The following CFAP47 variants were observed in gnomAD, a reference collection of about 807,000 sequenced individuals.
The protein encoded by CFAP47 is cilia and flagella associated protein 47, also known as cilia- and flagella-associated protein 47.
A neutral mutation model predicts 148.1 loss-of-function variants in CFAP47; 29 were observed. That is an observed-to-expected ratio of 0.20 (90% CI 0.15 to 0.27). The LOEUF (loss-of-function observed/expected upper bound fraction) is 0.27. Among genes scored for constraint, CFAP47 ranks in the 10% least tolerant of loss-of-function variants. The probability of loss-of-function intolerance (pLI) is 1.00; values close to 1 mark genes in which losing one functional copy is unlikely to be tolerated. For missense variants in CFAP47, 1,872 were observed against 1,697.5 expected (o/e 1.10, Z -1.81); for synonymous variants, 664 against 577.3 (o/e 1.15, Z -2.15).
In CFAP47 at chrX:36,223,716, A is replaced by T. The variant is rs149617653; in HGVS notation, c.6818-4912A>T. On this transcript the variant is annotated intron_variant, in intron 45 of 63. Transcript: ENST00000378653. The stretch of plus-strand genomic sequence containing the variant: ...ATCTATAGTGAGGCCATGGAAGTAA[A>T]TGGGGACTTCTAGCTCCTCATTCTA... Among the ~76,000 whole-genome samples the T allele has an allele frequency of 2.0e-3, 224 of 111,827 alleles. 1 individual carries two copies. The highest frequency in any genetic ancestry group is 6.8e-3 in the African/African-American group (211 of 30,917).
chrX:36,194,281 A>G (rs1939895732), intron 42 of CFAP47, among the ~76,000 whole-genome samples: 1 of 111,363 alleles, frequency 9.0e-6, no homozygotes, highest in South Asian at 3.8e-4. Context: ...TTCCAGTTGT[A>G]TTAGTCCATT....
intron 30 of CFAP47, among the ~76,000 whole-genome samples, chrX:36,087,165 A>G (rs764434127): frequency 8.9e-6 from 1 of 112,388 alleles, no homozygotes; most frequent in Non-Finnish European, 1.9e-5. Flanking sequence ...AGTTCTTAAT[A>G]CAATTTGAGG....
chrX:36,030,745 C>A (rs918205843), intron 22 of CFAP47, among the ~76,000 whole-genome samples: 3 of 110,129 alleles, frequency 2.7e-5, no homozygotes, highest in Admixed American at 9.7e-5. Context: ...ATTATAATAT[C>A]TTCTCTAATG....
At position 36,007,771 on chromosome X, in the gene CFAP47, C is replaced by T. The variant is rs764503605; in HGVS notation, c.3417+6064C>T. ...AGACAAGTCCAGTATGACTTTTCACCTATACCTACTTGATAATCAGAGAAG... is the reference window on the plus strand; with the variant it reads ...AGACAAGTCCAGTATGACTTTTCACTTATACCTACTTGATAATCAGAGAAG... On this transcript the variant is annotated intron_variant, in intron 21 of 63. Transcript: ENST00000378653. Among the ~76,000 whole-genome samples the T allele has an allele frequency of 3.1e-4, 35 of 111,702 alleles. No homozygotes were observed. The South Asian group carries it at 0.013, about 41-fold the overall frequency.
At chrX:36,352,894 C>T (rs1941754416) in intron 59 of CFAP47, among the ~76,000 whole-genome samples, 1 of 109,136 alleles carries the variant, frequency 9.2e-6, no homozygotes, top group Non-Finnish European at 1.9e-5. Flanking sequence ...TCACATTTAA[C>T]TTGAATTTTA....
At chrX:36,025,096 A>G (rs1022257145) in intron 22 of CFAP47, among the ~76,000 whole-genome samples, 1 of 111,752 alleles carries the variant, frequency 8.9e-6, no homozygotes, top group Non-Finnish European at 1.9e-5. Context: ...CATCATAAGC[A>G]TTTAGGTTGT....
chrX:36,204,499 A>C (rs979412336), intron 44 of CFAP47, among the ~76,000 whole-genome samples: 1 of 111,016 alleles, frequency 9.0e-6, no homozygotes, highest in Admixed American at 9.6e-5. Flanking sequence ...TAATGGGTGC[A>C]GCACACCTAC....
intron 57 of CFAP47, among the ~76,000 whole-genome samples, chrX:36,338,039 T>C (rs1172240876): frequency 1.1e-5 from 1 of 87,901 alleles, no homozygotes; most frequent in Admixed American, 1.2e-4. Context: ...CTGGCTATTT[T>C]TTTTTTTTTT....
Position 35,970,866 on chromosome X carries a change from A to T in CFAP47, c.1913A>T (p.Tyr638Phe), listed in dbSNP as rs373866906. The T allele has an allele frequency of 1.7e-6, 2 of 1,189,320 alleles. No individual in the cohort carries two copies. Among genetic ancestry groups the T allele is most frequent in the African/African-American group, 3.5e-5 (2 of 56,518 alleles). ...KQQKKLHENY[Y>F]AMYLKYLRSV... ...CAAAAGAAATTACATGAAAACTATT[A>T]TGCAATGTATCTTAAATATTTAAGA... Residue 638 changes from tyrosine (Y) to phenylalanine (F), a missense_variant, in exon 11 of 64, where the codon TAT becomes TTT. Tyr to Phe is a conservative substitution (Grantham distance 22). Coordinates refer to ENST00000378653, the MANE Select transcript of CFAP47 (RefSeq NM_001304548.2).
chrX:36,162,672 A>T (rs1399471559), intron 39 of CFAP47, among the ~76,000 whole-genome samples: 2 of 111,983 alleles, frequency 1.8e-5, no homozygotes, highest in African/African-American at 6.5e-5. Flanking sequence ...TAACAGAGAT[A>T]GGATTAGCTG....
At chrX:36,172,219 A>C (rs1243637532) in intron 39 of CFAP47, among the ~76,000 whole-genome samples, 10 of 98,882 alleles carry the variant, frequency 1.0e-4, no homozygotes, top group East Asian at 3.2e-4. Context: ...GGGGTTTTCT[A>C]GATATACAAT....
chrX:36,010,433 T>C (rs1454175812), intron 21 of CFAP47, among the ~76,000 whole-genome samples: 1 of 109,755 alleles, frequency 9.1e-6, no homozygotes, highest in East Asian at 2.8e-4. Context: ...TCTCATTTGT[T>C]TACTGTCAGA....
intron 44 of CFAP47, among the ~76,000 whole-genome samples, chrX:36,202,276 C>T (rs782058512): frequency 7.2e-5 from 8 of 111,356 alleles, no homozygotes; most frequent in East Asian, 2.9e-4. Flanking sequence ...TTGTTGTAAA[C>T]GCAAGCCTGC....
intron 31 of CFAP47, 23 bp downstream of exon 31, chrX:36,098,897 A>G (rs781363361): frequency 1.3e-4 from 119 of 888,966 alleles, no homozygotes; most frequent in Non-Finnish European, 1.9e-4. Flanking sequence ...AATTTCTTGG[A>G]ACAAACCACA....
chrX:36,272,141 G>A (rs1412084765), intron 49 of CFAP47, among the ~76,000 whole-genome samples: 1 of 112,031 alleles, frequency 8.9e-6, no homozygotes, highest in Middle Eastern at 4.6e-3. Context: ...GCGAACAAAA[G>A]CAGAGCTTTC....
intron 40 of CFAP47, among the ~76,000 whole-genome samples, chrX:36,186,597 T>C (rs1244766355): frequency 8.9e-6 from 1 of 111,769 alleles, no homozygotes; most frequent in African/African-American, 3.3e-5. Context: ...TGAATTAACT[T>C]CATGAAGGCT....
chrX:36,247,209 G>C (rs1300615221), intron 48 of CFAP47, among the ~76,000 whole-genome samples: 1 of 111,205 alleles, frequency 9.0e-6, no homozygotes, highest in African/African-American at 3.3e-5. Context: ...TCACTTACAG[G>C]TGGCAGCTAA....
chrX:36,261,224 G>T (rs782498796), intron 49 of CFAP47, among the ~76,000 whole-genome samples: 1 of 100,414 alleles, frequency 1.0e-5, no homozygotes, highest in Admixed American at 1.1e-4. Flanking sequence ...GGAATAGTTA[G>T]TGCTTATTAA....
intron 22 of CFAP47, among the ~76,000 whole-genome samples, chrX:36,015,289 C>T (rs1937084223): frequency 9.2e-6 from 1 of 108,898 alleles, no homozygotes; most frequent in Non-Finnish European, 1.9e-5. Flanking sequence ...ATCTCTATTC[C>T]AAAGGGATGG....
Sources: allele counts gnomAD v4.1 joint callset (sites outside exome capture counted in the v4.1 genomes callset), GRCh38; gene constraint gnomAD v4.1.1; transcripts MANE v1.5; gene names NCBI Gene and HGNC (gene_info 2026-07-23, HGNC 2026-07-21).